CSMD1: variants seen among roughly 807,000 people sequenced by gnomAD.
The protein encoded by CSMD1 is CUB and Sushi multiple domains 1.
A neutral mutation model predicts 417.5 loss-of-function variants in CSMD1; 213 were observed. The observed-to-expected ratio is 0.51, with a 90% CI of 0.46 to 0.57. The LOEUF is 0.57. Among genes scored for constraint, CSMD1 ranks in the 20% least tolerant of loss-of-function variants. CSMD1 has a pLI of 0.00. For missense variants in CSMD1, 6,923 were observed against 4,529.7 expected (o/e 1.53, Z -15.17); for synonymous variants, 2,862 against 1,736.8 (o/e 1.65, Z -16.11).
chr8:3,656,942 T>C (rs959747451), intron 7 of CSMD1, among the ~76,000 whole-genome samples: 3 of 151,718 alleles, frequency 2.0e-5, no homozygotes, highest in Non-Finnish European at 4.4e-5. Context: ...AAAAAGCCTT[T>C]AAAAATCAGA....
intron 3 of CSMD1, among the ~76,000 whole-genome samples, chr8:4,368,923 CTT>C (rs980089960): frequency 1.3e-5 from 2 of 151,948 alleles, no homozygotes; most frequent in African/African-American, 4.8e-5. Flanking sequence ...TTATTGATCT[CTT>C]ATATGGATTT....
intron 5 of CSMD1, among the ~76,000 whole-genome samples, chr8:3,760,343 G>A (rs1198766862): frequency 1.3e-5 from 2 of 152,106 alleles, no homozygotes; most frequent in Non-Finnish European, 2.9e-5. Flanking sequence ...GGATTCAACT[G>A]GGTTTTGCTT....
chr8:3,578,640 C>G (rs187093453), intron 9 of CSMD1, among the ~76,000 whole-genome samples: 12 of 152,270 alleles, frequency 7.9e-5, no homozygotes, highest in Non-Finnish European at 1.8e-4. Context: ...TCACCTGCCT[C>G]TCTCTTCACT....
At chr8:4,412,637 A>T (rs1050527374) in intron 3 of CSMD1, among the ~76,000 whole-genome samples, 1 of 152,224 alleles carries the variant, frequency 6.6e-6, no homozygotes, top group African/African-American at 2.4e-5. Flanking sequence ...TTCCAACGGA[A>T]TCAGAAACTA....
chr8:3,570,175 G>C (rs1799886063), intron 10 of CSMD1, among the ~76,000 whole-genome samples: 1 of 152,156 alleles, frequency 6.6e-6, no homozygotes, highest in Admixed American at 6.5e-5. Context: ...AGTTTTAATG[G>C]ATGTTAGCCA....
chr8:4,863,965 T>A (rs980185053), intron 1 of CSMD1, among the ~76,000 whole-genome samples: 1 of 152,022 alleles, frequency 6.6e-6, no homozygotes, highest in African/African-American at 2.4e-5. Context: ...CAAGACATGA[T>A]TGAAAAATGA....
intron 10 of CSMD1, among the ~76,000 whole-genome samples, chr8:3,554,326 T>G (rs1178170815): frequency 6.6e-6 from 1 of 151,308 alleles, no homozygotes; most frequent in African/African-American, 2.4e-5. Flanking sequence ...GTCAGAAGAG[T>G]GAGAAATAAC....
At chr8:4,627,897 T>C (rs180853137) in intron 2 of CSMD1, among the ~76,000 whole-genome samples, 5 of 152,250 alleles carry the variant, frequency 3.3e-5, no homozygotes, top group Non-Finnish European at 1.5e-5. Context: ...GACACTTCTT[T>C]GTCATGTGAG....
At chr8:4,768,174 A>T (rs926103430) in intron 1 of CSMD1, among the ~76,000 whole-genome samples, 9 of 152,184 alleles carry the variant, frequency 5.9e-5, no homozygotes, top group African/African-American at 2.2e-4. Flanking sequence ...TTAGCAGGAC[A>T]TTGATGGATG....
At chr8:3,164,406 C>T (rs1174116355) in intron 37 of CSMD1, among the ~76,000 whole-genome samples, 1 of 152,158 alleles carries the variant, frequency 6.6e-6, no homozygotes, top group African/African-American at 2.4e-5. Context: ...GCCATTGGGG[C>T]TTTACATAGA....
chr8:3,131,390 A>T (rs1817783840), intron 41 of CSMD1, among the ~76,000 whole-genome samples: 2 of 151,924 alleles, frequency 1.3e-5, no homozygotes, highest in Non-Finnish European at 2.9e-5. Flanking sequence ...TAAAATAAAA[A>T]AAGAAATATC....
intron 6 of CSMD1, among the ~76,000 whole-genome samples, chr8:3,722,239 C>G (rs950106837): frequency 2.6e-5 from 4 of 151,954 alleles, no homozygotes; most frequent in Non-Finnish European, 4.4e-5. Context: ...ACCAGGGAGG[C>G]AGAGATTGCA....
intron 5 of CSMD1, among the ~76,000 whole-genome samples, chr8:3,939,394 A>T (rs1172924971): frequency 6.6e-6 from 1 of 152,148 alleles, no homozygotes; most frequent in Non-Finnish European, 1.5e-5. Context: ...AAAAGGGAAC[A>T]CTTTTACACT....
rs928129899 is a variant in CSMD1 at position 4,357,168 on chromosome 8, C to T, written c.415+62785G>A. ...ATATGATCTCAAATAAAATATGGTA[C>T]GCAAATGCTCACACATGTAGTGTGT... is the stretch of plus-strand genomic sequence containing the variant. On this transcript the variant is annotated intron_variant, in intron 3 of 69. Coordinates refer to ENST00000635120, the MANE Select transcript of CSMD1 (RefSeq NM_033225.6). Among the ~76,000 whole-genome samples the T allele has an allele frequency of 2.0e-4, 31 of 152,204 alleles. 1 individual carries two copies. Among genetic ancestry groups the T allele is most frequent in the Middle Eastern group, 3.4e-3 (1 of 294 alleles).
rs569185799 is a variant in CSMD1 at position 4,440,156 on chromosome 8, G to A, written c.303-20091C>T. Among the ~76,000 whole-genome samples the A allele has an allele frequency of 2.6e-5, 4 of 152,196 alleles. No homozygotes were observed. In the South Asian group the frequency reaches 6.2e-4, roughly 24 times the overall value. On this transcript the variant is annotated intron_variant, in intron 2 of 69. Transcript: ENST00000635120. ...TTTGGTGTAAATTTCTTGCTAATTT[G>A]GACGTTTCTTTCTAGATTAATAATG...
chr8:4,809,805 C>T (rs894442656), intron 1 of CSMD1, among the ~76,000 whole-genome samples: 2 of 152,004 alleles, frequency 1.3e-5, no homozygotes, highest in African/African-American at 2.4e-5. Flanking sequence ...GTATTTTATG[C>T]TTCTAGTACA....
In CSMD1 at chr8:3,424,268, C is replaced by G. The variant is rs149101420; in HGVS notation, c.1562-14663G>C. Among the ~76,000 whole-genome samples the G allele has an allele frequency of 6.1e-3, 922 of 152,190 alleles. 5 individuals are homozygous for G. Among genetic ancestry groups the G allele is most frequent in the Middle Eastern group, 0.041 (12 of 294 alleles). ...GATTCAATTAGAGTTTATCATATTTCTTTGCAAAAGCCAGGTATTGCCTAG... is the reference window on the plus strand; with the variant it reads ...GATTCAATTAGAGTTTATCATATTTGTTTGCAAAAGCCAGGTATTGCCTAG... On this transcript the variant is annotated intron_variant, in intron 12 of 69. Coordinates refer to ENST00000635120, the MANE Select transcript of CSMD1 (RefSeq NM_033225.6).
At chr8:3,830,842 G>A (rs543072337) in intron 5 of CSMD1, among the ~76,000 whole-genome samples, 3 of 152,300 alleles carry the variant, frequency 2.0e-5, no homozygotes, top group South Asian at 2.1e-4. Context: ...CTCCTTTCAT[G>A]CATGCCTAAT....
Position 3,248,523 on chromosome 8 carries a change from C to CTTTTTTTT in CSMD1, c.4154-18300_4154-18293dup, listed in dbSNP as rs10663439. ...GGTACGCCTGTAATCAATTCCCTCCCTTTTTTTTTTTTTTTTTTTTTTTTG... is the reference window on the plus strand; with the variant it reads ...GGTACGCCTGTAATCAATTCCCTCCCTTTTTTTTTTTTTTTTTTTTTTTTTTTTTTTTG... On this transcript the variant is annotated intron_variant, in intron 26 of 69. Coordinates refer to ENST00000635120, the MANE Select transcript of CSMD1 (RefSeq NM_033225.6). 5.3e-3 allele frequency among the ~76,000 whole-genome samples: 455 copies of CTTTTTTTT among 85,976 alleles called. 23 individuals are homozygous for CTTTTTTTT. Among genetic ancestry groups the CTTTTTTTT allele is most frequent in the Non-Finnish European group, 6.1e-3 (282 of 46,258 alleles). 56.4% of individuals were successfully genotyped at this position (85,976 alleles called of 152,430 possible).
Sources: allele counts gnomAD v4.1 joint callset (sites outside exome capture counted in the v4.1 genomes callset), GRCh38; gene constraint gnomAD v4.1.1; transcripts MANE v1.5; gene names NCBI Gene and HGNC (gene_info 2026-07-23, HGNC 2026-07-21).